ARHGAP15: variants seen among roughly 807,000 people sequenced by gnomAD.
The protein encoded by ARHGAP15 is Rho GTPase activating protein 15.
Under a neutral mutation model 63.7 loss-of-function variants are expected in ARHGAP15, and 51 were observed. The ratio of observed to expected loss-of-function variants is 0.80; its 90% CI spans 0.64 to 1.01. The LOEUF is 1.01. ARHGAP15 is among the 50% of genes least tolerant of loss of function. The pLI, the probability that ARHGAP15 is intolerant of heterozygous loss-of-function variation, is 0.00. For missense variants in ARHGAP15, 560 were observed against 564.6 expected, an observed-to-expected ratio of 0.99 and a Z score of 0.08; for synonymous variants, 191 against 193.8, an observed-to-expected ratio of 0.99 and a Z score of 0.12.
intron 12 of ARHGAP15, among the ~76,000 whole-genome samples, chr2:143,692,911 C>T (rs1201584689): frequency 2.0e-5 from 3 of 152,090 alleles, no homozygotes; most frequent in Non-Finnish European, 4.4e-5. Context: ...TACTGCACCT[C>T]AGGTTAAAGT....
chr2:143,395,889 A>G (rs1449455369), intron 6 of ARHGAP15, among the ~76,000 whole-genome samples: 1 of 151,882 alleles, frequency 6.6e-6, no homozygotes, highest in Non-Finnish European at 1.5e-5. Flanking sequence ...GTGAGATGCT[A>G]TTGATGGTTT....
At chr2:143,221,819 C>A (rs1427628717) in intron 4 of ARHGAP15, among the ~76,000 whole-genome samples, 1 of 152,068 alleles carries the variant, frequency 6.6e-6, no homozygotes, top group East Asian at 1.9e-4. Context: ...CAGAAGATGG[C>A]TACGAAAAGA....
At position 143,555,925 on chromosome 2, in the gene ARHGAP15, T is replaced by C. The variant is rs987984545; in HGVS notation, c.926-483T>C. Reference sequence around the variant, plus strand: ...TAGAATAGAATAGAATAGAATAGAATAGAACAGAGTAGAAATGGAGAGAAG... The same window carrying C: ...TAGAATAGAATAGAATAGAATAGAACAGAACAGAGTAGAAATGGAGAGAAG... On this transcript the variant is annotated intron_variant, in intron 10 of 13. Transcript: ENST00000295095. 9.6e-5 allele frequency among the ~76,000 whole-genome samples: 12 copies of C among 124,574 alleles called. No homozygotes were observed. The East Asian group carries it at 9.7e-4, about 10-fold the overall frequency. 81.7% of individuals were successfully genotyped at this position (124,574 alleles called of 152,430 possible).
chr2:143,259,927 G>C (rs1680632955), intron 6 of ARHGAP15, among the ~76,000 whole-genome samples: 1 of 152,098 alleles, frequency 6.6e-6, no homozygotes, highest in Admixed American at 6.5e-5. Context: ...TGAATCTAAA[G>C]ATATGCTATT....
chr2:143,748,755 T>C (rs1351328446), intron 13 of ARHGAP15, among the ~76,000 whole-genome samples: 1 of 152,204 alleles, frequency 6.6e-6, no homozygotes, highest in African/African-American at 2.4e-5. Context: ...CTTCAGCCAT[T>C]GTCAGGAAGT....
At chr2:143,279,758 T>G (rs1420880541) in intron 6 of ARHGAP15, among the ~76,000 whole-genome samples, 1 of 152,182 alleles carries the variant, frequency 6.6e-6, no homozygotes, top group Non-Finnish European at 1.5e-5. Context: ...TTGAACACTT[T>G]CATTAACTAT....
At chr2:143,207,950 C>T (rs149724496) in intron 3 of ARHGAP15, among the ~76,000 whole-genome samples, 3 of 152,136 alleles carry the variant, frequency 2.0e-5, no homozygotes, top group African/African-American at 4.8e-5. Context: ...TGGTATGTTC[C>T]CTACTTTCAT....
intron 6 of ARHGAP15, among the ~76,000 whole-genome samples, chr2:143,390,008 TAAA>T (rs140037498): frequency 1.5e-5 from 2 of 135,334 alleles, no homozygotes; most frequent in Non-Finnish European, 3.2e-5. Flanking sequence ...AGTCCTTTAT[TAAA>T]AAAAAAAAAA....
intron 10 of ARHGAP15, among the ~76,000 whole-genome samples, chr2:143,519,664 A>G (rs780131672): frequency 9.9e-5 from 15 of 152,230 alleles, no homozygotes; most frequent in African/African-American, 1.2e-4. Context: ...AAATATCAGC[A>G]CTCACAGTGT....
intron 10 of ARHGAP15, among the ~76,000 whole-genome samples, chr2:143,533,583 A>G (rs1694615662): frequency 6.6e-6 from 1 of 152,160 alleles, no homozygotes; most frequent in Admixed American, 6.6e-5. Context: ...GTCTCCTATT[A>G]GAGTATGTTC....
chr2:143,681,191 AG>A (rs1559123012), intron 12 of ARHGAP15, among the ~76,000 whole-genome samples: 2 of 152,164 alleles, frequency 1.3e-5, no homozygotes, highest in Admixed American at 1.3e-4. Context: ...GTGTGACTCT[AG>A]GGGGAAATCA....
chr2:143,555,971 G>A (rs1023966276), intron 10 of ARHGAP15, among the ~76,000 whole-genome samples: 2 of 151,900 alleles, frequency 1.3e-5, no homozygotes, highest in African/African-American at 4.8e-5. Context: ...GAGAAGAGGA[G>A]AGGAAGGAAA....
At chr2:143,743,065 C>T (rs958195588) in intron 13 of ARHGAP15, among the ~76,000 whole-genome samples, 5 of 152,034 alleles carry the variant, frequency 3.3e-5, no homozygotes, top group African/African-American at 1.2e-4. Context: ...CTAAAGAGAG[C>T]GGCGACTGAG....
intron 12 of ARHGAP15, among the ~76,000 whole-genome samples, chr2:143,648,178 G>A (rs771709544): frequency 6.6e-6 from 1 of 151,966 alleles, no homozygotes; most frequent in African/African-American, 2.4e-5. Flanking sequence ...ATGCTTAGCT[G>A]GTTTCTTGTT....
chr2:143,606,205 T>C, intron 11 of ARHGAP15, among the ~76,000 whole-genome samples: 1 of 152,190 alleles, frequency 6.6e-6, no homozygotes, highest in Non-Finnish European at 1.5e-5. Flanking sequence ...GGTTTAAATA[T>C]CAGCAATCAT....
intron 10 of ARHGAP15, among the ~76,000 whole-genome samples, chr2:143,552,567 G>A (rs557309981): frequency 9.5e-4 from 144 of 150,930 alleles, no homozygotes; most frequent in African/African-American, 3.1e-3. Flanking sequence ...AAAAGTCGGG[G>A]TGGGGAGGCA....
intron 6 of ARHGAP15, chr2:143,435,276 G>C: frequency 9.9e-7 from 1 of 1,005,888 alleles, no homozygotes; most frequent in Non-Finnish European, 1.2e-6. Flanking sequence ...ATTTTTCTGC[G>C]GGTTCTGACT....
intron 6 of ARHGAP15, among the ~76,000 whole-genome samples, chr2:143,386,666 A>G (rs1243515196): frequency 1.3e-5 from 2 of 152,200 alleles, no homozygotes; most frequent in Admixed American, 6.5e-5. Context: ...TTATCTTCAA[A>G]ATGGCCAGCT....
At chr2:143,510,264 T>C (rs1198514358) in intron 9 of ARHGAP15, among the ~76,000 whole-genome samples, 1 of 152,182 alleles carries the variant, frequency 6.6e-6, no homozygotes, top group Non-Finnish European at 1.5e-5. Flanking sequence ...TGTGTGGCAT[T>C]GCTGTGGGAG....
Sources: gnomAD v4.1 joint callset for allele counts (sites outside exome capture counted in the v4.1 genomes callset) on GRCh38, gnomAD v4.1.1 for gene constraint, MANE v1.5 for transcripts, NCBI Gene and HGNC (gene_info 2026-07-23, HGNC 2026-07-21) for gene names.